Variants in TSGA10 observed in about 807,000 individuals in gnomAD.
TSGA10 encodes testis specific 10.
In TSGA10, 43 loss-of-function variants were observed where a neutral mutation model predicts 96.6. The ratio of observed to expected loss-of-function variants is 0.44; its 90% CI spans 0.35 to 0.57. The LOEUF (loss-of-function observed/expected upper bound fraction) is 0.57. TSGA10 is among the 20% of genes least tolerant of loss of function. TSGA10 has a pLI of 0.01. For missense variants in TSGA10, 703 were observed against 834.4 expected (o/e 0.84, Z 1.94); for synonymous variants, 229 against 269.9 (o/e 0.85, Z 1.48).
intron 10 of TSGA10, among the ~76,000 whole-genome samples, chr2:99,092,460 C>T (rs1172192344): frequency 6.6e-6 from 1 of 151,434 alleles, no homozygotes; most frequent in East Asian, 1.9e-4. Context: ...GAAATTGCAA[C>T]AAAAAACACA....
At chr2:99,088,772 T>A (rs2088893750) in intron 10 of TSGA10, among the ~76,000 whole-genome samples, 1 of 152,154 alleles carries the variant, frequency 6.6e-6, no homozygotes. Context: ...CAGCTAAAAG[T>A]GGGTGACTAA....
rs2091260493 is a variant in TSGA10, at chr2:99,105,589, C to T, written c.319G>A (p.Val107Ile). ...ILRRVETERD[V>I]AFTDLRRMTT... is the part of the protein sequence containing the mutation. ...ATTCTTCGTAAATCAGTAAAGGCTA[C>T]ATCTCTTTCAGTCTCCACTCGCCGG... Residue 107 changes from valine (V) to isoleucine (I), a missense_variant, in exon 8 of 21, where the codon GTA becomes ATA. By Grantham distance (29) the Val-to-Ile change is conservative (BLOSUM62 3). Around this residue, in one of 3 missense-constraint regions of TSGA10, gnomAD observed 585 missense variants for 656.8 expected, o/e 0.89. Coordinates refer to ENST00000393483, the MANE Select transcript of TSGA10 (RefSeq NM_025244.4). The T allele has an allele frequency of 6.2e-7, 1 of 1,611,686 alleles. No homozygotes were observed. Among genetic ancestry groups the T allele is most frequent in the Non-Finnish European group, 8.5e-7 (1 of 1,177,924 alleles).
intron 11 of TSGA10, among the ~76,000 whole-genome samples, chr2:99,079,424 A>G (rs1407760106): frequency 2.6e-5 from 4 of 152,226 alleles, no homozygotes; most frequent in African/African-American, 4.8e-5. Flanking sequence ...ATAGTTTTCA[A>G]ATTGTGGTTT....
intron 19 of TSGA10, 50 bp from the exon 20 acceptor site, chr2:99,018,399 A>G: frequency 1.3e-6 from 2 of 1,599,406 alleles, no homozygotes; most frequent in South Asian, 2.2e-5. Flanking sequence ...AAAATTATTA[A>G]AACTATCATA....
intron 20 of TSGA10, among the ~76,000 whole-genome samples, chr2:99,003,600 C>T (rs1558686805): frequency 6.6e-6 from 1 of 152,210 alleles, no homozygotes; most frequent in African/African-American, 2.4e-5. Flanking sequence ...AACAAACTGT[C>T]TCTCTGACCA....
rs193248859 is a variant in TSGA10 at position 99,021,908 on chromosome 2, C to G, written c.1615-1426G>C. Among the ~76,000 whole-genome samples, 305 of 152,166 alleles carry G rather than the reference C, an allele frequency of 2.0e-3. 4 individuals are homozygous for G. The highest frequency in any genetic ancestry group is 7.2e-3 in the African/African-American group (297 of 41,526). On this transcript the variant is annotated intron_variant, in intron 17 of 20. Coordinates refer to ENST00000393483, the MANE Select transcript of TSGA10 (RefSeq NM_025244.4). ...TTGCTGGCAGGAGTAGAAAATGGAC[C>G]GTGATTTTTTTGACAATAGCTTTTT...
At chr2:99,121,988 T>A (rs1335061078) in intron 2 of TSGA10, among the ~76,000 whole-genome samples, 1 of 152,206 alleles carries the variant, frequency 6.6e-6, no homozygotes, top group Non-Finnish European at 1.5e-5. Flanking sequence ...CTGTTTTCCC[T>A]GTATCTAAAT....
chr2:99,082,340 GT>G (rs2087630441), intron 10 of TSGA10, among the ~76,000 whole-genome samples: 1 of 152,058 alleles, frequency 6.6e-6, no homozygotes, highest in Non-Finnish European at 1.5e-5. Flanking sequence ...ATTCTTGCAT[GT>G]TTTTACTTCT....
chr2:99,017,696 C>T (rs930611597), intron 20 of TSGA10, among the ~76,000 whole-genome samples: 8 of 147,994 alleles, frequency 5.4e-5, no homozygotes, highest in Admixed American at 1.4e-4. Context: ...ACCCGGGAGG[C>T]GGAGCTTGCA....
At position 99,071,663 on chromosome 2, in the gene TSGA10, T is replaced by C. The variant is rs574469230; in HGVS notation, c.1107+43A>G. The stretch of plus-strand genomic sequence containing the variant: ...AGGGCTGTTCCTCACAAGAAATTCA[T>C]ATTTTTTTTTCTTGGAGAAAATGAT... On this transcript the variant is annotated intron_variant, in intron 14 of 20. Coordinates refer to ENST00000393483, the MANE Select transcript of TSGA10 (RefSeq NM_025244.4). 18 of 1,558,132 alleles carry C rather than the reference T, an allele frequency of 1.2e-5. No homozygotes were observed. In the African/African-American group the frequency reaches 2.1e-4, roughly 18 times the overall value.
Position 99,078,735 on chromosome 2 carries a change from T to C in TSGA10, c.806A>G (p.Glu269Gly). The change falls in exon 12 of 21, where the codon GAA becomes GGA. Residue 269 changes from glutamate to glycine, a missense_variant. Coordinates refer to ENST00000393483, the MANE Select transcript of TSGA10 (RefSeq NM_025244.4). ...CAAACATGCTTGCAGGCATTCCTTT[T>C]CTTTAGCCAGATCATTGAGGGTTCC... is the stretch of plus-strand genomic sequence containing the variant. ...LGGTLNDLAK[E>G]KECLQACLDK... The C allele has an allele frequency of 6.2e-7, 1 of 1,613,856 alleles. No homozygotes were observed. The highest frequency in any genetic ancestry group is 8.5e-7 in the Non-Finnish European group (1 of 1,179,896).
At chr2:98,999,999 G>A (rs1297724256) in intron 20 of TSGA10, among the ~76,000 whole-genome samples, 1 of 152,182 alleles carries the variant, frequency 6.6e-6, no homozygotes, top group Non-Finnish European at 1.5e-5. Context: ...CAAGCGATCT[G>A]TCTGCCTCAG....
At chr2:99,057,522 T>C (rs1407123700) in intron 16 of TSGA10, among the ~76,000 whole-genome samples, 1 of 152,070 alleles carries the variant, frequency 6.6e-6, no homozygotes, top group East Asian at 1.9e-4. Flanking sequence ...AATAATAAAA[T>C]ACTTAAGAAT....
intron 16 of TSGA10, among the ~76,000 whole-genome samples, chr2:99,047,128 G>C (rs2082864838): frequency 6.6e-6 from 1 of 152,150 alleles, no homozygotes. Context: ...ATTCATAGCT[G>C]AATTCTACAA....
In TSGA10 at chr2:99,081,396, G is replaced by A. The variant is rs775531049; in HGVS notation, c.613C>T (p.Leu205Phe). 1 of 1,533,130 alleles carries A rather than the reference G, an allele frequency of 6.5e-7. No homozygotes were observed. The highest frequency in any genetic ancestry group is 1.3e-5 in the South Asian group (1 of 77,658). 95.0% of individuals were successfully genotyped at this position (1,533,130 alleles called of 1,614,324 possible). ...TCTTTTTCTGTGTTTTCATACAAAAGTCTGCAAATATTTTAATAATAAAAC... is the reference window on the plus strand; with the variant it reads ...TCTTTTTCTGTGTTTTCATACAAAAATCTGCAAATATTTTAATAATAAAAC... ...RQKAENNSLR[L>F]LYENTEKDLS... Residue 205 changes from leucine (L) to phenylalanine (F), a missense_variant and splice_region_variant, in exon 11 of 21, where the codon CTT becomes TTT. Around this residue, in one of 3 missense-constraint regions of TSGA10, gnomAD observed 585 missense variants for 656.8 expected, o/e 0.89. Transcript: ENST00000393483.
chr2:99,089,784 A>T (rs961204190), intron 10 of TSGA10, among the ~76,000 whole-genome samples: 25 of 152,208 alleles, frequency 1.6e-4, no homozygotes, highest in African/African-American at 5.5e-4. Flanking sequence ...AAGCTCTGAC[A>T]TGACTAACCC....
intron 17 of TSGA10, among the ~76,000 whole-genome samples, chr2:99,027,608 A>G (rs936636222): frequency 3.3e-5 from 5 of 152,210 alleles, no homozygotes; most frequent in African/African-American, 1.2e-4. Context: ...CCTGTCTGCC[A>G]TACATACATC....
intron 10 of TSGA10, among the ~76,000 whole-genome samples, chr2:99,100,927 T>TA (rs950274201): frequency 2.8e-4 from 33 of 116,862 alleles, no homozygotes; most frequent in Admixed American, 4.4e-4. Context: ...TTTTCTCAGT[T>TA]AAAAAAAAAA....
At chr2:99,040,351 T>A (rs2082071950) in intron 16 of TSGA10, among the ~76,000 whole-genome samples, 1 of 152,098 alleles carries the variant, frequency 6.6e-6, no homozygotes, top group Non-Finnish European at 1.5e-5. Flanking sequence ...AATTATAGGA[T>A]CATATACCTA....
Sources: allele counts gnomAD v4.1 joint callset (sites outside exome capture counted in the v4.1 genomes callset), GRCh38; gene constraint gnomAD v4.1.1; regional missense constraint gnomAD v4.1.1; transcripts MANE v1.5; gene names NCBI Gene and HGNC (gene_info 2026-07-23, HGNC 2026-07-21).